The following STPG2 variants were observed in gnomAD, a reference collection of about 807,000 sequenced individuals.
STPG2 encodes sperm-tail PG-rich repeat-containing protein 2.
A neutral mutation model predicts 54.2 loss-of-function variants in STPG2; 56 were observed. The observed-to-expected ratio is 1.03, with a 90% CI of 0.83 to 1.29. STPG2 has a LOEUF of 1.29. Ranked by LOEUF, STPG2 falls within the 50% of genes most tolerant of loss-of-function variation. The pLI is 0.00. For synonymous variants in STPG2, 200 were observed against 181.8 expected, an observed-to-expected ratio of 1.10 and a Z score of -0.81; for missense variants, 596 against 544.9, an observed-to-expected ratio of 1.09 and a Z score of -0.93.
At chr4:97,653,780 T>C (rs1039338145) in intron 10 of STPG2, among the ~76,000 whole-genome samples, 2 of 152,094 alleles carry the variant, frequency 1.3e-5, no homozygotes, top group Non-Finnish European at 2.9e-5. Flanking sequence ...AAGAAAAGAA[T>C]TCACATGTGA....
intron 5 of STPG2, among the ~76,000 whole-genome samples, chr4:98,105,029 T>G (rs1739149826): frequency 6.6e-6 from 1 of 152,234 alleles, no homozygotes; most frequent in Admixed American, 6.5e-5. Flanking sequence ...GCAGCCATAC[T>G]TCAAAGACTC....
intron 9 of STPG2, among the ~76,000 whole-genome samples, chr4:97,810,234 G>C (rs1381058424): frequency 6.6e-6 from 1 of 152,104 alleles, no homozygotes; most frequent in African/African-American, 2.4e-5. Context: ...GGGAGGCCAA[G>C]GCAGGTGGAT....
chr4:97,562,867 C>T (rs981284179), intron 10 of STPG2, among the ~76,000 whole-genome samples: 2 of 152,122 alleles, frequency 1.3e-5, no homozygotes, highest in Admixed American at 6.5e-5. Flanking sequence ...AGGATTTTTG[C>T]ATCAATGTTC....
chr4:97,811,717 G>A (rs1297506143), intron 9 of STPG2, among the ~76,000 whole-genome samples: 1 of 152,038 alleles, frequency 6.6e-6, no homozygotes, highest in African/African-American at 2.4e-5. Flanking sequence ...AAATAGGCTT[G>A]GTTTTAAGAG....
chr4:97,888,540 C>T (rs775902745), intron 8 of STPG2, among the ~76,000 whole-genome samples: 3 of 151,686 alleles, frequency 2.0e-5, no homozygotes, highest in Middle Eastern at 3.2e-3. Context: ...CCTTTTAGAA[C>T]AAAAGGAGAT....
chr4:97,677,872 T>G (rs1722897900), intron 10 of STPG2, among the ~76,000 whole-genome samples: 1 of 152,180 alleles, frequency 6.6e-6, no homozygotes, highest in Non-Finnish European at 1.5e-5. Flanking sequence ...TTATCTTGAT[T>G]TTATATGCAA....
At chr4:97,919,436 T>C (rs1420874010) in intron 8 of STPG2, among the ~76,000 whole-genome samples, 3 of 137,936 alleles carry the variant, frequency 2.2e-5, no homozygotes, top group Non-Finnish European at 3.2e-5. Flanking sequence ...GTAAGACTTA[T>C]TACAGAAAAA....
intron 10 of STPG2, among the ~76,000 whole-genome samples, chr4:97,620,415 A>G (rs1034160410): frequency 1.3e-5 from 2 of 152,210 alleles, no homozygotes; most frequent in African/African-American, 4.8e-5. Flanking sequence ...ATTTCACATT[A>G]TATTTCCACA....
chr4:97,509,611 C>G (rs1365874068), intron 4 of STPG2, among the ~76,000 whole-genome samples: 1 of 151,938 alleles, frequency 6.6e-6, no homozygotes, highest in African/African-American at 2.4e-5. Context: ...GGTGTTAACA[C>G]TAGAAAGTTA....
intron 9 of STPG2, among the ~76,000 whole-genome samples, chr4:97,819,049 G>T (rs1408354080): frequency 6.7e-6 from 1 of 150,294 alleles, no homozygotes; most frequent in Admixed American, 6.7e-5. Flanking sequence ...AATAAAGTTA[G>T]TTCATGTTTA....
intron 5 of STPG2, among the ~76,000 whole-genome samples, chr4:98,055,777 T>C (rs559065393): frequency 2.0e-5 from 3 of 152,276 alleles, no homozygotes; most frequent in South Asian, 4.1e-4. Flanking sequence ...CAGGGAAGTC[T>C]TGGAAATCAG....
chr4:98,026,049 C>A, intron 5 of STPG2: 1 of 1,075,460 alleles, frequency 9.3e-7, no homozygotes, highest in Non-Finnish European at 1.4e-6. Context: ...AAACAGTTCT[C>A]TCAATACATA....
At chr4:97,526,189 A>G (rs1207853330) in intron 4 of STPG2, among the ~76,000 whole-genome samples, 2 of 152,080 alleles carry the variant, frequency 1.3e-5, no homozygotes, top group Non-Finnish European at 1.5e-5. Context: ...ATATAAACTG[A>G]AAACTAGAGA....
intron 8 of STPG2, among the ~76,000 whole-genome samples, chr4:97,942,972 T>C (rs951990504): frequency 6.6e-6 from 1 of 152,198 alleles, no homozygotes; most frequent in Non-Finnish European, 1.5e-5. Flanking sequence ...TGGAGTGCTA[T>C]AACAAAATAC....
intron 7 of STPG2, among the ~76,000 whole-genome samples, chr4:97,949,263 C>A (rs1733369414): frequency 6.6e-6 from 1 of 152,014 alleles, no homozygotes; most frequent in South Asian, 2.1e-4. Context: ...TTTCCATTTG[C>A]ATGGATTAAC....
intron 9 of STPG2, among the ~76,000 whole-genome samples, chr4:97,765,848 T>C (rs1163755087): frequency 3.3e-5 from 5 of 152,180 alleles, no homozygotes; most frequent in African/African-American, 1.2e-4. Flanking sequence ...GACATTGTAA[T>C]ACCCTTTAAA....
chr4:98,101,905 C>T (rs1006696989), intron 5 of STPG2, among the ~76,000 whole-genome samples: 1 of 135,948 alleles, frequency 7.4e-6, no homozygotes. Flanking sequence ...CCAAGATTAA[C>T]CATACTGGCC....
chr4:97,949,421 C>T (rs1733377867), intron 7 of STPG2, among the ~76,000 whole-genome samples: 1 of 152,062 alleles, frequency 6.6e-6, no homozygotes, highest in African/African-American at 2.4e-5. Context: ...TTACGTTCAA[C>T]ATAATATCAA....
intron 9 of STPG2, among the ~76,000 whole-genome samples, chr4:97,735,424 G>A (rs1724950036): frequency 6.6e-6 from 1 of 151,194 alleles, no homozygotes; most frequent in African/African-American, 2.4e-5. Flanking sequence ...AGGGAAATAG[G>A]ATCAAAAACT....
Sources: allele counts gnomAD v4.1 joint callset (sites outside exome capture counted in the v4.1 genomes callset), GRCh38; gene constraint gnomAD v4.1.1; transcripts MANE v1.5; gene names NCBI Gene and HGNC (gene_info 2026-07-23, HGNC 2026-07-21).